The following NEDD4 variants were observed in gnomAD, a reference collection of about 807,000 sequenced individuals.
The protein encoded by NEDD4 is NEDD4 E3 ubiquitin protein ligase, also known as E3 ubiquitin-protein ligase NEDD4.
A neutral mutation model predicts 144.9 loss-of-function variants in NEDD4; 99 were observed. The ratio of observed to expected loss-of-function variants is 0.68; its 90% CI spans 0.58 to 0.81. The LOEUF (loss-of-function observed/expected upper bound fraction) is 0.81. Ranked by LOEUF, NEDD4 falls within the 30% of genes least tolerant of loss-of-function variation. The pLI is 0.00. For synonymous variants in NEDD4, 318 were observed against 350.6 expected, an observed-to-expected ratio of 0.91 and a Z score of 1.04; for missense variants, 985 against 1,065.9, an observed-to-expected ratio of 0.92 and a Z score of 1.06.
At chr15:55,993,113 A>C (rs2038014278) in intron 1 of NEDD4, among the ~76,000 whole-genome samples, 2 of 152,340 alleles carry the variant, frequency 1.3e-5, no homozygotes, top group South Asian at 2.1e-4. Context: ...CAAGCAAATC[A>C]ACAGCGGGGA....
intron 5 of NEDD4, among the ~76,000 whole-genome samples, chr15:55,886,172 C>G (rs2035379952): frequency 6.6e-6 from 1 of 152,014 alleles, no homozygotes; most frequent in Non-Finnish European, 1.5e-5. Context: ...CTATATGCAC[C>G]CAACACTGGA....
At chr15:55,858,682 C>A (rs1167341913) in intron 11 of NEDD4, among the ~76,000 whole-genome samples, 1 of 152,112 alleles carries the variant, frequency 6.6e-6, no homozygotes, top group Admixed American at 6.6e-5. Flanking sequence ...ACAGAACAGA[C>A]AAATGGAAGA....
At chr15:55,964,383 A>G (rs1179340539) in intron 2 of NEDD4, among the ~76,000 whole-genome samples, 2 of 152,010 alleles carry the variant, frequency 1.3e-5, no homozygotes, top group Non-Finnish European at 2.9e-5. Flanking sequence ...TCTATCTTTA[A>G]GTTCAGTTAA....
chr15:55,992,675 A>G (rs2038006714), intron 1 of NEDD4, among the ~76,000 whole-genome samples: 1 of 152,234 alleles, frequency 6.6e-6, no homozygotes, highest in African/African-American at 2.4e-5. Context: ...CACAGAAGCC[A>G]CATATCATTT....
At chr15:55,844,862 C>T (rs140783302) in intron 18 of NEDD4, among the ~76,000 whole-genome samples, 1,826 of 148,804 alleles carry the variant, frequency 0.012, 20 homozygotes, top group Non-Finnish European at 0.019. Context: ...GGCTGGAGTG[C>T]AGTGGCATGA....
rs370536170 is a variant in NEDD4, at chr15:55,916,593, A to C, written c.291+8053T>G. 4.3e-6 allele frequency: 7 copies of C among 1,613,930 alleles called. No individual in the cohort carries two copies. The African/African-American group carries it at 9.3e-5, about 22-fold the overall frequency. On this transcript the variant is annotated intron_variant, in intron 5 of 28. Coordinates refer to ENST00000435532, the MANE Select transcript of NEDD4 (RefSeq NM_006154.4). ...CTGTAGACAGCTGCTCTTTTTATTA[A>C]CATTTTCAGATGAGGGAACAGATGA... is the stretch of plus-strand genomic sequence containing the variant.
chr15:55,940,659 C>T (rs975832087), intron 4 of NEDD4, among the ~76,000 whole-genome samples: 4 of 151,956 alleles, frequency 2.6e-5, no homozygotes, highest in Non-Finnish European at 4.4e-5. Flanking sequence ...TCCAAAGTAG[C>T]TGGGTCTATA....
chr15:55,926,026 C>CATAT (rs1566954908), intron 4 of NEDD4, among the ~76,000 whole-genome samples: 3 of 151,406 alleles, frequency 2.0e-5, no homozygotes, highest in East Asian at 1.9e-4. Context: ...AATACATATA[C>CATAT]GTATGTATCA....
In NEDD4 at chr15:55,863,059, G is replaced by A; in HGVS notation, c.528C>T (p.Asp176=). The change falls in exon 9 of 29, where the codon GAC becomes GAT. Residue 176 remains aspartate, a synonymous_variant. Transcript: ENST00000435532. ...EELEPGWVVL[D]QPDAACHLQQ... ...GCAAATGGCAAGCAGCATCTGGTTG[G>A]TCCAAAACAACCCAGCCAGGCTGAA... is the stretch of plus-strand genomic sequence containing the variant. 6.3e-7 allele frequency: 1 copy of A among 1,590,976 alleles called. No individual in the cohort carries two copies. Among genetic ancestry groups the A allele is most frequent in the Non-Finnish European group, 8.6e-7 (1 of 1,164,924 alleles).
chr15:55,963,083 C>A (rs1216238064), intron 2 of NEDD4, among the ~76,000 whole-genome samples: 1 of 151,844 alleles, frequency 6.6e-6, no homozygotes, highest in Admixed American at 6.6e-5. Context: ...CCACAACCGG[C>A]CTCCGTTACT....
chr15:55,899,096 G>C (rs2035830827), intron 5 of NEDD4, among the ~76,000 whole-genome samples: 1 of 152,194 alleles, frequency 6.6e-6, no homozygotes, highest in Non-Finnish European at 1.5e-5. Context: ...AGAAGTATGT[G>C]TAAAGATTGT....
intron 9 of NEDD4, among the ~76,000 whole-genome samples, chr15:55,862,321 GA>G (rs1278348302): frequency 6.6e-6 from 1 of 151,952 alleles, no homozygotes; most frequent in African/African-American, 2.4e-5. Flanking sequence ...GGGGATTTGA[GA>G]ATAAATATGA....
At chr15:55,932,226 A>G (rs1380937073) in intron 4 of NEDD4, among the ~76,000 whole-genome samples, 1 of 152,222 alleles carries the variant, frequency 6.6e-6, no homozygotes, top group Non-Finnish European at 1.5e-5. Flanking sequence ...TCCTAAGCCA[A>G]AAGAACAAAG....
chr15:55,904,368 T>A (rs1266258359), intron 5 of NEDD4, among the ~76,000 whole-genome samples: 1 of 152,040 alleles, frequency 6.6e-6, no homozygotes, highest in Non-Finnish European at 1.5e-5. Context: ...AGTGGCTCGA[T>A]CTCGGCTCAC....
At chr15:55,853,144 T>G (rs1427454697) in intron 12 of NEDD4, among the ~76,000 whole-genome samples, 5 of 152,182 alleles carry the variant, frequency 3.3e-5, no homozygotes, top group Non-Finnish European at 7.3e-5. Flanking sequence ...ATATTTTATT[T>G]TGAACTAAAA....
At chr15:55,985,975 G>C (rs1284075630) in intron 1 of NEDD4, among the ~76,000 whole-genome samples, 1 of 152,196 alleles carries the variant, frequency 6.6e-6, no homozygotes, top group South Asian at 2.1e-4. Context: ...CTGCCAGAAA[G>C]TGTTCAAAGA....
At chr15:55,898,997 C>T (rs1469143630) in intron 5 of NEDD4, among the ~76,000 whole-genome samples, 2 of 152,042 alleles carry the variant, frequency 1.3e-5, no homozygotes, top group South Asian at 2.1e-4. Context: ...AGTCTTTTTC[C>T]TATTCATTAA....
At position 55,921,967 on chromosome 15, in the gene NEDD4, G is replaced by A. The variant is rs548430274; in HGVS notation, c.291+2679C>T. ...TCCTTGTGGACAACATGCAAATAAC[G>A]CAAATAAAATAGTTCACCAATAATA... On this transcript the variant is annotated intron_variant, in intron 5 of 28. Transcript: ENST00000435532. 1.2e-4 allele frequency among the ~76,000 whole-genome samples: 18 copies of A among 152,268 alleles called. No homozygotes were observed. In the South Asian group the frequency reaches 1.7e-3, roughly 14 times the overall value.
chr15:55,993,431 G>A lies in NEDD4; in HGVS notation c.45+80C>T. 3.9e-6 allele frequency: 6 copies of A among 1,536,472 alleles called. No individual in the cohort carries two copies. The East Asian group carries it at 1.5e-4, about 39-fold the overall frequency. Reference sequence around the variant, plus strand: ...GCTGACAGCAGAGCCTCCGGTCGTGGCCGCCGCCGCTACCTCCCCGGGTCC... The same window carrying A: ...GCTGACAGCAGAGCCTCCGGTCGTGACCGCCGCCGCTACCTCCCCGGGTCC... On this transcript the variant is annotated intron_variant, in intron 1 of 28. Coordinates refer to ENST00000435532, the MANE Select transcript of NEDD4 (RefSeq NM_006154.4).
Sources: allele counts gnomAD v4.1 joint callset (sites outside exome capture counted in the v4.1 genomes callset), GRCh38; gene constraint gnomAD v4.1.1; transcripts MANE v1.5; gene names NCBI Gene and HGNC (gene_info 2026-07-23, HGNC 2026-07-21).